Variants in OPCML observed in about 807,000 individuals in gnomAD.
OPCML encodes the protein opioid-binding protein/cell adhesion molecule.
Under a neutral mutation model 37.8 loss-of-function variants are expected in OPCML, and 13 were observed. That is an observed-to-expected ratio of 0.34 (90% CI 0.22 to 0.55). The LOEUF (loss-of-function observed/expected upper bound fraction) is 0.55. Ranked by LOEUF, OPCML falls within the 20% of genes least tolerant of loss-of-function variation. The probability of loss-of-function intolerance (pLI) is 0.91; values close to 1 mark genes in which losing one functional copy is unlikely to be tolerated. For missense variants in OPCML, 341 were observed against 435.6 expected, an observed-to-expected ratio of 0.78 and a Z score of 1.93; for synonymous variants, 176 against 168.8, an observed-to-expected ratio of 1.04 and a Z score of -0.33.
intron 3 of OPCML, among the ~76,000 whole-genome samples, chr11:132,582,275 T>C (rs1226919796): frequency 6.6e-6 from 1 of 151,910 alleles, no homozygotes; most frequent in African/African-American, 2.4e-5. Flanking sequence ...AAATAGAAGC[T>C]AATACCAATG....
At chr11:132,753,003 G>T (rs1591557864) in intron 2 of OPCML, among the ~76,000 whole-genome samples, 1 of 151,580 alleles carries the variant, frequency 6.6e-6, no homozygotes, top group East Asian at 1.9e-4. Context: ...ATCTTGATTT[G>T]TTTTTTTTGG....
At chr11:132,628,996 G>A (rs1467889959) in intron 3 of OPCML, among the ~76,000 whole-genome samples, 1 of 151,992 alleles carries the variant, frequency 6.6e-6, no homozygotes, top group Non-Finnish European at 1.5e-5. Flanking sequence ...GTCTTTATTA[G>A]CAGGATGAGA....
chr11:132,845,296 G>T (rs182813046), intron 2 of OPCML, among the ~76,000 whole-genome samples: 1 of 151,978 alleles, frequency 6.6e-6, no homozygotes, highest in Non-Finnish European at 1.5e-5. Flanking sequence ...GCCATTTACC[G>T]CATGCTTAGG....
intron 4 of OPCML, among the ~76,000 whole-genome samples, chr11:132,512,228 G>T (rs2096270345): frequency 6.6e-6 from 1 of 152,054 alleles, no homozygotes; most frequent in African/African-American, 2.4e-5. Flanking sequence ...ACAATGACAA[G>T]CCTGTGGAAC....
At chr11:132,489,589 C>T (rs748940288) in intron 4 of OPCML, among the ~76,000 whole-genome samples, 9 of 152,072 alleles carry the variant, frequency 5.9e-5, no homozygotes, top group South Asian at 2.1e-4. Context: ...TTAGGACAGC[C>T]GTGATGTCAC....
intron 2 of OPCML, among the ~76,000 whole-genome samples, chr11:132,713,194 T>TTTC (rs1317175162): frequency 2.6e-5 from 4 of 151,736 alleles, no homozygotes; most frequent in Non-Finnish European, 5.9e-5. Context: ...GAAATTATAA[T>TTTC]GACACGACGC....
intron 2 of OPCML, among the ~76,000 whole-genome samples, chr11:132,892,135 C>A (rs1943674994): frequency 1.3e-5 from 2 of 152,202 alleles, no homozygotes; most frequent in African/African-American, 4.8e-5. Context: ...GCCTTTGTTC[C>A]AATGTCATCA....
intron 2 of OPCML, among the ~76,000 whole-genome samples, chr11:132,733,692 G>A (rs1356806358): frequency 6.6e-6 from 1 of 152,156 alleles, no homozygotes; most frequent in Non-Finnish European, 1.5e-5. Flanking sequence ...CAAAGAATTT[G>A]AGTGTCACAT....
intron 3 of OPCML, among the ~76,000 whole-genome samples, chr11:132,583,313 G>A (rs764215887): frequency 6.6e-6 from 1 of 151,910 alleles, no homozygotes; most frequent in Non-Finnish European, 1.5e-5. Context: ...TTGTTTGTTT[G>A]TTTGACATGA....
At chr11:133,110,143 T>C (rs1015530233) in intron 1 of OPCML, among the ~76,000 whole-genome samples, 3 of 152,192 alleles carry the variant, frequency 2.0e-5, no homozygotes, top group African/African-American at 4.8e-5. Flanking sequence ...TGTGGTAAGG[T>C]TGAACAACCC....
At chr11:133,004,661 G>A (rs944692812) in intron 1 of OPCML, 98 of 985,448 alleles carry the variant, frequency 9.9e-5, no homozygotes, top group African/African-American at 1.7e-4. Flanking sequence ...GCCAGCTGGC[G>A]AGGGACCATG....
chr11:133,392,914 T>C (rs777412789), intron 1 of OPCML, among the ~76,000 whole-genome samples: 2 of 152,226 alleles, frequency 1.3e-5, no homozygotes, highest in Non-Finnish European at 2.9e-5. Flanking sequence ...CAAGGATATG[T>C]GCAGACTGGT....
intron 1 of OPCML, among the ~76,000 whole-genome samples, chr11:133,335,501 G>A (rs1417392807): frequency 6.6e-6 from 1 of 152,148 alleles, no homozygotes; most frequent in Non-Finnish European, 1.5e-5. Flanking sequence ...GGCTGCTGCT[G>A]GTGTAGGCAA....
intron 2 of OPCML, among the ~76,000 whole-genome samples, chr11:132,738,507 T>C (rs1009576693): frequency 3.9e-5 from 6 of 152,330 alleles, no homozygotes; most frequent in Admixed American, 2.0e-4. Context: ...CTATAAAGAA[T>C]GTCCTGTGAC....
At chr11:132,599,995 C>A (rs1228294921) in intron 3 of OPCML, among the ~76,000 whole-genome samples, 1 of 152,166 alleles carries the variant, frequency 6.6e-6, no homozygotes, top group Non-Finnish European at 1.5e-5. Flanking sequence ...CTCCAGAATA[C>A]AGTGCAATCA....
intron 1 of OPCML, among the ~76,000 whole-genome samples, chr11:133,357,130 T>C (rs1944307063): frequency 6.6e-6 from 1 of 152,114 alleles, no homozygotes; most frequent in African/African-American, 2.4e-5. Context: ...CTGGAGACCC[T>C]AAAAAATAAC....
At chr11:133,086,655 T>C (rs565706160) in intron 1 of OPCML, among the ~76,000 whole-genome samples, 1 of 152,306 alleles carries the variant, frequency 6.6e-6, no homozygotes, top group East Asian at 1.9e-4. Flanking sequence ...AACACATTCA[T>C]CACCACCCGT....
intron 4 of OPCML, among the ~76,000 whole-genome samples, chr11:132,438,739 C>G (rs2096021750): frequency 6.6e-6 from 1 of 151,486 alleles, no homozygotes; most frequent in African/African-American, 2.4e-5. Context: ...AGGAGGTGGG[C>G]TAGTGTGTAG....
At chr11:133,334,974 C>A (rs1053129991) in intron 1 of OPCML, among the ~76,000 whole-genome samples, 1 of 152,160 alleles carries the variant, frequency 6.6e-6, no homozygotes, top group Admixed American at 6.5e-5. Flanking sequence ...TGTGGCTGGA[C>A]CCTAAATCTG....
Sources: gnomAD v4.1 joint callset for allele counts (sites outside exome capture counted in the v4.1 genomes callset) on GRCh38, gnomAD v4.1.1 for gene constraint, MANE v1.5 for transcripts, NCBI Gene and HGNC (gene_info 2026-07-23, HGNC 2026-07-21) for gene names.